The following TMEM170A variants were observed in gnomAD, a reference collection of about 807,000 sequenced individuals.
The protein encoded by TMEM170A is transmembrane protein 170.
In TMEM170A, 18 loss-of-function variants were observed where a neutral mutation model predicts 12.8. That is an observed-to-expected ratio of 1.41 (90% CI 0.97 to 2.09). The LOEUF (loss-of-function observed/expected upper bound fraction) is 2.09, where lower values mean the gene tolerates loss of function less well. TMEM170A is among the 30% of genes most tolerant of loss of function. The pLI is 0.00. For synonymous variants in TMEM170A, 107 were observed against 76.2 expected, an observed-to-expected ratio of 1.40 and a Z score of -2.11; for missense variants, 220 against 179.9, an observed-to-expected ratio of 1.22 and a Z score of -1.28.
intron 2 of TMEM170A, among the ~76,000 whole-genome samples, chr16:75,449,320 T>A (rs1435710250): frequency 5.0e-5 from 7 of 141,394 alleles, no homozygotes; most frequent in Non-Finnish European, 9.1e-5. Context: ...AGTGTCTCAA[T>A]CACGTTTACA....
At chr16:75,448,698 A>C (rs570667896) in intron 2 of TMEM170A, among the ~76,000 whole-genome samples, 1 of 151,728 alleles carries the variant, frequency 6.6e-6, no homozygotes, top group South Asian at 2.1e-4. Flanking sequence ...CAGGAGGTGG[A>C]GGTTGTTGTG....
chr16:75,455,740 G>A (rs796764499), intron 1 of TMEM170A, among the ~76,000 whole-genome samples: 1 of 152,140 alleles, frequency 6.6e-6, no homozygotes, highest in African/African-American at 2.4e-5. Context: ...AGGAGGCAGA[G>A]GTCGCAATGA....
intron 1 of TMEM170A, among the ~76,000 whole-genome samples, chr16:75,461,378 T>C (rs11641430): frequency 0.56 from 85,449 of 152,070 alleles, 25,122 homozygotes; most frequent in Admixed American, 0.69. Context: ...GATGTCTACC[T>C]AACCCTCCGT....
At chr16:75,454,058 C>T (rs2079737775) in intron 1 of TMEM170A, among the ~76,000 whole-genome samples, 1 of 152,196 alleles carries the variant, frequency 6.6e-6, no homozygotes, top group Non-Finnish European at 1.5e-5. Flanking sequence ...AGGTAAGTAG[C>T]AAGTGATTTT....
chr16:75,464,728 G>T, upstream of TMEM170A: 3 of 1,306,088 alleles, frequency 2.3e-6, no homozygotes, highest in South Asian at 1.4e-5. Flanking sequence ...TCCCAACGGC[G>T]CTGCCAAGTG....
chr16:75,464,324 G>A (rs2079958946), intron 1 of TMEM170A, 144 bp downstream of exon 1: 1 of 1,437,392 alleles, frequency 7.0e-7, no homozygotes, highest in Non-Finnish European at 9.1e-7. Context: ...GGCTCCGGGC[G>A]AGCAGCACGG....
intron 1 of TMEM170A, among the ~76,000 whole-genome samples, chr16:75,452,249 C>T (rs1046968143): frequency 8.6e-5 from 13 of 151,940 alleles, no homozygotes; most frequent in Admixed American, 7.2e-4. Flanking sequence ...GGATTACAGG[C>T]GTGAGCCACC....
chr16:75,455,489 A>G (rs1245709162), intron 1 of TMEM170A, among the ~76,000 whole-genome samples: 2 of 152,156 alleles, frequency 1.3e-5, no homozygotes, highest in Non-Finnish European at 2.9e-5. Context: ...CACAATAAAC[A>G]CTCATGTGGA....
intron 1 of TMEM170A, among the ~76,000 whole-genome samples, chr16:75,453,330 A>C (rs1003967556): frequency 2.1e-4 from 32 of 152,132 alleles, no homozygotes; most frequent in African/African-American, 7.7e-4. Flanking sequence ...GCTACTCGAG[A>C]GGCTGAGGTG....
At chr16:75,450,944 G>A (rs1278918731) in intron 2 of TMEM170A, among the ~76,000 whole-genome samples, 1 of 152,084 alleles carries the variant, frequency 6.6e-6, no homozygotes, top group Non-Finnish European at 1.5e-5. Flanking sequence ...TTACAGTCAT[G>A]AGCCACTACA....
intron 1 of TMEM170A, 158 bp downstream of exon 1, chr16:75,464,310 A>G (rs2151656109): frequency 2.7e-6 from 4 of 1,467,836 alleles, no homozygotes; most frequent in South Asian, 2.6e-5. Flanking sequence ...GTGATGGGGA[A>G]AGGGGCTCCG....
Position 75,464,672 on chromosome 16 carries a change from C to G in TMEM170A, c.-72G>C. On this transcript the variant is annotated 5_prime_UTR_variant, in exon 1 of 3. Transcript: ENST00000561878. ...GCGGTAGCGGCCGGCGCCGACTCAC[C>G]CTCGCCGCCTCAGCGTCACCTCCAG... is the stretch of plus-strand genomic sequence containing the variant. The G allele has an allele frequency of 6.6e-7, 1 of 1,515,766 alleles. No individual in the cohort carries two copies. The highest frequency in any genetic ancestry group is 8.8e-7 in the Non-Finnish European group (1 of 1,140,348). The allele number at this position is 1,515,766 out of a possible 1,614,324, so 93.9% of individuals were successfully genotyped here. A position where few individuals can be genotyped will look rare whatever the true frequency, so the allele number is the denominator to read the frequency against.
rs574938655 is a variant in TMEM170A, at chr16:75,445,037, G to C, written c.*2521C>G. ...GCTTTAGGCAAGAACTCCTTCAAAAGACATTTTTCAGTAAGAGGCATCCTT... is the reference window on the plus strand; with the variant it reads ...GCTTTAGGCAAGAACTCCTTCAAAACACATTTTTCAGTAAGAGGCATCCTT... On this transcript the variant is annotated 3_prime_UTR_variant, in exon 3 of 3. Transcript: ENST00000561878. The C allele has an allele frequency of 1.3e-5, 2 of 152,260 alleles. No individual in the cohort carries two copies. The highest frequency in any genetic ancestry group is 4.8e-5 in the African/African-American group (2 of 41,558). The allele number at this position is 152,260 out of a possible 1,614,324, so 9.4% of individuals were successfully genotyped here. A position where few individuals can be genotyped will look rare whatever the true frequency, so the allele number is the denominator to read the frequency against.
intron 1 of TMEM170A, among the ~76,000 whole-genome samples, chr16:75,455,747 A>G (rs1422156986): frequency 1.3e-5 from 2 of 152,206 alleles, no homozygotes; most frequent in Non-Finnish European, 2.9e-5. Context: ...AGAGGTCGCA[A>G]TGAGCCGAGG....
rs759223914 is a variant in TMEM170A at position 75,464,561 on chromosome 16, C to T, written c.40G>A (p.Gly14Arg). 14 of 1,586,654 alleles carry T rather than the reference C, an allele frequency of 8.8e-6. No homozygotes were observed. The East Asian group carries it at 3.4e-4, about 38-fold the overall frequency. The change falls in exon 1 of 3, where the codon GGG (glycine) becomes AGG (arginine). Residue 14 changes from glycine to arginine, a missense_variant. By Grantham distance (125) the Gly-to-Arg change is moderately radical. Transcript: ENST00000561878. ...AGGCTCAGGATCTGCTGCAGGAGCCCGGCCGACCCGCCGCTGCCGCCGCTC... is the reference window on the plus strand; with the variant it reads ...AGGCTCAGGATCTGCTGCAGGAGCCTGGCCGACCCGCCGCTGCCGCCGCTC... Reference protein sequence around the residue: ...EGSGGSGGSAGLLQQILSLKV... With the variant: ...EGSGGSGGSARLLQQILSLKV...
rs1213379658 is a variant in TMEM170A, at chr16:75,445,417, C to G, written c.*2141G>C. 2.0e-5 allele frequency: 3 copies of G among 152,250 alleles called. No individual in the cohort carries two copies. The highest frequency in any genetic ancestry group is 4.4e-5 in the Non-Finnish European group (3 of 68,088). The allele number at this position is 152,250 out of a possible 1,614,324, so 9.4% of individuals were successfully genotyped here. A position where few individuals can be genotyped will look rare whatever the true frequency, so the allele number is the denominator to read the frequency against. ...CTGAACCTCCCAGGCACAAGTGATC[C>G]TCCCACTTTAGCCTCTTGGGTAGCT... On this transcript the variant is annotated 3_prime_UTR_variant, in exon 3 of 3. Transcript: ENST00000561878.
intron 1 of TMEM170A, among the ~76,000 whole-genome samples, chr16:75,456,283 A>G (rs1244779394): frequency 6.6e-6 from 1 of 152,106 alleles, no homozygotes; most frequent in Non-Finnish European, 1.5e-5. Context: ...TTAGGTCTCA[A>G]TGCTTATTAA....
At chr16:75,457,834 C>T (rs1473499225) in intron 1 of TMEM170A, among the ~76,000 whole-genome samples, 1 of 152,182 alleles carries the variant, frequency 6.6e-6, no homozygotes, top group African/African-American at 2.4e-5. Context: ...TGAGCCACAT[C>T]CATTAGCTCC....
chr16:75,452,370 G>A (rs2079704920), intron 1 of TMEM170A, among the ~76,000 whole-genome samples: 1 of 151,962 alleles, frequency 6.6e-6, no homozygotes, highest in African/African-American at 2.4e-5. Context: ...CTAGGTCTGG[G>A]TGTTCTCCCG....
Sources: gnomAD v4.1 joint callset for allele counts (sites outside exome capture counted in the v4.1 genomes callset) on GRCh38, gnomAD v4.1.1 for gene constraint, MANE v1.5 for transcripts, NCBI Gene and HGNC (gene_info 2026-07-23, HGNC 2026-07-21) for gene names.